Variants in LRIG2 observed in about 807,000 individuals in gnomAD.
LRIG2 encodes the protein leucine-rich repeats and immunoglobulin-like domains protein 2.
LRIG2 carries 93 observed loss-of-function variants against 107.8 expected under a neutral mutation model. The observed-to-expected ratio is 0.86, with a 90% CI of 0.73 to 1.03. The LOEUF (loss-of-function observed/expected upper bound fraction) is 1.03. LRIG2 is among the 50% of genes least tolerant of loss of function. LRIG2 has a pLI of 0.00. For missense variants in LRIG2, 1,226 were observed against 1,296.0 expected (o/e 0.95, Z 0.83); for synonymous variants, 471 against 470.6 (o/e 1.00, Z -0.01).
At chr1:113,077,227 C>T (rs113211613) in intron 1 of LRIG2, among the ~76,000 whole-genome samples, 4,370 of 152,082 alleles carry the variant, frequency 0.029, 214 homozygotes, top group African/African-American at 0.099. Flanking sequence ...TCACTGCAAC[C>T]TCTGTCGCCC....
chr1:113,094,064 A>G (rs1653941710), intron 4 of LRIG2, among the ~76,000 whole-genome samples: 1 of 152,230 alleles, frequency 6.6e-6, no homozygotes, highest in South Asian at 2.1e-4. Context: ...TTGTTAAACA[A>G]TGGCTTACTG....
intron 8 of LRIG2, among the ~76,000 whole-genome samples, chr1:113,097,140 T>C (rs1654102209): frequency 6.6e-6 from 1 of 151,796 alleles, no homozygotes; most frequent in Admixed American, 6.6e-5. Context: ...TTATTCAATT[T>C]ACAGAATATA....
intron 11 of LRIG2, 148 bp downstream of exon 11, chr1:113,100,636 G>A (rs868820846): frequency 7.5e-5 from 39 of 518,594 alleles, no homozygotes; most frequent in South Asian, 7.2e-4. Flanking sequence ...TTATTTAAGC[G>A]GCTAGAGGTA....
intron 17 of LRIG2, among the ~76,000 whole-genome samples, chr1:113,121,742 C>CAA (rs57347974): frequency 2.5e-5 from 3 of 118,296 alleles, no homozygotes; most frequent in Non-Finnish European, 1.8e-5. Context: ...GACTCTGTCT[C>CAA]AAAAAAAAAA....
chr1:113,084,773 GA>G (rs2101023166), intron 1 of LRIG2, among the ~76,000 whole-genome samples: 1 of 152,252 alleles, frequency 6.6e-6, no homozygotes, highest in East Asian at 1.9e-4. Context: ...AATCCTGATG[GA>G]AAACTGGCAT....
At chr1:113,094,846 A>G in intron 6 of LRIG2, 91 bp downstream of exon 6, 1 of 1,246,558 alleles carries the variant, frequency 8.0e-7, no homozygotes, top group Non-Finnish European at 1.1e-6. Context: ...TTCTGATTAT[A>G]GAGATACATT....
chr1:113,108,255 G>T (rs1365947168), intron 12 of LRIG2, among the ~76,000 whole-genome samples: 1 of 141,864 alleles, frequency 7.0e-6, no homozygotes, highest in East Asian at 2.1e-4. Context: ...ATGGAGTCTT[G>T]CTGCGTCACC....
At chr1:113,079,516 C>T (rs1007312244) in intron 1 of LRIG2, among the ~76,000 whole-genome samples, 1 of 150,324 alleles carries the variant, frequency 6.7e-6, no homozygotes, top group Non-Finnish European at 1.5e-5. Flanking sequence ...AACCCCATCT[C>T]TACTAAAAAT....
chr1:113,075,164 A>G (rs1766863), intron 1 of LRIG2, among the ~76,000 whole-genome samples: 54,524 of 151,580 alleles, frequency 0.36, 10,210 homozygotes, highest in East Asian at 0.64. Flanking sequence ...GTGAGCCGAG[A>G]TCGTGCCATT....
In LRIG2 at chr1:113,100,228, A is replaced by G; in HGVS notation, c.1190A>G (p.Gln397Arg). The G allele has an allele frequency of 6.3e-7, 1 of 1,582,018 alleles. No homozygotes were observed. Among genetic ancestry groups the G allele is most frequent in the Non-Finnish European group, 8.6e-7 (1 of 1,157,042 alleles). The change falls in exon 10 of 18, where the codon CAG (glutamine) becomes CGG (arginine). Residue 397 changes from glutamine (Q) to arginine (R), a missense_variant. Transcript: ENST00000361127. ...SLTKLILQGN[Q>R]IKSITKKAFI... is the part of the protein sequence containing the mutation. ...TATTTCAGAATCTTACAAGGAAACC[A>G]GATTAAGTCAATTACAAAGAAAGCA...
intron 16 of LRIG2, 84 bp from the exon 17 acceptor site, chr1:113,119,149 A>C (rs1655135162): frequency 2.3e-6 from 3 of 1,307,124 alleles, no homozygotes; most frequent in African/African-American, 2.9e-5. Context: ...AGCAATGATG[A>C]TGACAACTTT....
intron 1 of LRIG2, among the ~76,000 whole-genome samples, chr1:113,083,435 TC>T (rs1653382060): frequency 6.8e-6 from 1 of 147,762 alleles, no homozygotes; most frequent in Admixed American, 7.0e-5. Flanking sequence ...AACCTCTGCC[TC>T]CTGGGTTTAA....
rs199906630 is a variant in LRIG2, at chr1:113,073,657, G to T, written c.239+12G>T. 2 of 1,603,374 alleles carry T rather than the reference G, an allele frequency of 1.2e-6. No individual in the cohort carries two copies. Among genetic ancestry groups the T allele is most frequent in the South Asian group, 2.2e-5 (2 of 90,856 alleles). ...GACACCGCTATCCTGTGAGTAGAGCGGCCAGGCAGAGTGACCAAAAGGAGG... is the reference window on the plus strand; with the variant it reads ...GACACCGCTATCCTGTGAGTAGAGCTGCCAGGCAGAGTGACCAAAAGGAGG... On this transcript the variant is annotated intron_variant, in intron 1 of 17. Transcript: ENST00000361127.
At chr1:113,123,606 G>T (rs1212688579) in intron 17 of LRIG2, among the ~76,000 whole-genome samples, 1 of 152,066 alleles carries the variant, frequency 6.6e-6, no homozygotes, top group Non-Finnish European at 1.5e-5. Flanking sequence ...AAAAAATTTT[G>T]TAGCAACAGA....
Position 113,109,601 on chromosome 1 carries a change from C to T in LRIG2, c.1478-641C>T, listed in dbSNP as rs139463607. 9.6e-3 allele frequency among the ~76,000 whole-genome samples: 1,457 copies of T among 152,276 alleles called. 18 individuals are homozygous for T. Among genetic ancestry groups the T allele is most frequent in the Non-Finnish European group, 0.013 (909 of 68,024 alleles). Reference sequence around the variant, plus strand: ...GGCGTGATCTCGGCTCACTAGCCACCTCTACCCCCCGGGTTCAAGTGATTC... The same window carrying T: ...GGCGTGATCTCGGCTCACTAGCCACTTCTACCCCCCGGGTTCAAGTGATTC... On this transcript the variant is annotated intron_variant, in intron 12 of 17. Transcript: ENST00000361127.
chr1:113,074,882 C>T (rs1026417719), intron 1 of LRIG2, among the ~76,000 whole-genome samples: 1 of 118,962 alleles, frequency 8.4e-6, no homozygotes, highest in African/African-American at 3.3e-5. Flanking sequence ...GCACTCCAGC[C>T]TGAAAACAGA....
Position 113,073,241 on chromosome 1 carries a change from C to A in LRIG2, c.-166C>A, listed in dbSNP as rs1391349310. On this transcript the variant is annotated 5_prime_UTR_variant, in exon 1 of 18. Transcript: ENST00000361127. ...AGGCCGTGTGTCCCAGGCCGTCGAC[C>A]CCGCTGTCGCGCTGCGTCTGCTCCT... The A allele has an allele frequency of 1.4e-5, 9 of 646,658 alleles. No homozygotes were observed. Among genetic ancestry groups the A allele is most frequent in the Admixed American group, 5.5e-5 (2 of 36,428 alleles). 40.1% of individuals were successfully genotyped at this position (646,658 alleles called of 1,614,324 possible). A position where few individuals can be genotyped will look rare whatever the true frequency, so the allele number is the denominator to read the frequency against.
intron 1 of LRIG2, among the ~76,000 whole-genome samples, chr1:113,076,154 A>C (rs551874035): frequency 6.6e-6 from 1 of 150,928 alleles, no homozygotes; most frequent in East Asian, 2.0e-4. Context: ...TACAGACTTG[A>C]GCCAGTATGC....
chr1:113,127,120 C>T lies in LRIG2; in HGVS notation c.*3019C>T, dbSNP rs1655510725. 1 of 152,224 alleles carries T rather than the reference C, an allele frequency of 6.6e-6. No individual in the cohort carries two copies. Among genetic ancestry groups the T allele is most frequent in the South Asian group, 2.1e-4 (1 of 4,832 alleles). The allele number at this position is 152,224 out of a possible 1,614,324, so 9.4% of individuals were successfully genotyped here. Reference sequence around the variant, plus strand: ...TTGACCAGGAAACCAAAGATTGCTTCTTTTCCAAGTTTGTTTTGTTTTTAA... The same window carrying T: ...TTGACCAGGAAACCAAAGATTGCTTTTTTTCCAAGTTTGTTTTGTTTTTAA... On this transcript the variant is annotated 3_prime_UTR_variant, in exon 18 of 18. Coordinates refer to ENST00000361127, the MANE Select transcript of LRIG2 (RefSeq NM_014813.3).
Sources: allele counts gnomAD v4.1 joint callset (sites outside exome capture counted in the v4.1 genomes callset), GRCh38; gene constraint gnomAD v4.1.1; transcripts MANE v1.5; gene names NCBI Gene and HGNC (gene_info 2026-07-23, HGNC 2026-07-21).